The following DDC variants were observed in gnomAD, a reference collection of about 807,000 sequenced individuals.
The protein encoded by DDC is aromatic-L-amino-acid decarboxylase.
DDC carries 43 observed loss-of-function variants against 60.0 expected under a neutral mutation model. The ratio of observed to expected loss-of-function variants is 0.72; its 90% confidence interval spans 0.56 to 0.92. The LOEUF (loss-of-function observed/expected upper bound fraction) is 0.92. Ranked by LOEUF, DDC falls within the 40% of genes least tolerant of loss-of-function variation. The pLI, the probability that DDC is intolerant of heterozygous loss-of-function variation, is 0.00. For missense variants in DDC, 573 were observed against 620.2 expected, an observed-to-expected ratio of 0.92 and a Z score of 0.81; for synonymous variants, 232 against 234.6, an observed-to-expected ratio of 0.99 and a Z score of 0.10.
intron 3 of DDC, 24 bp downstream of exon 3, chr7:50,539,891 C>T (rs2044561677): frequency 6.3e-7 from 1 of 1,587,328 alleles, no homozygotes; most frequent in East Asian, 2.2e-5. Flanking sequence ...AGGACCCCTT[C>T]CCGAGGTGCA....
chr7:50,543,355 C>T, intron 2 of DDC: 1 of 192,046 alleles, frequency 5.2e-6, no homozygotes, highest in Non-Finnish European at 1.1e-5. Context: ...CCGCTGATTT[C>T]TGCCCTCTGT....
intron 6 of DDC, among the ~76,000 whole-genome samples, chr7:50,524,606 A>C (rs1020253780): frequency 5.3e-5 from 8 of 152,232 alleles, no homozygotes; most frequent in African/African-American, 1.7e-4. Flanking sequence ...GCAAATTAGG[A>C]CCATGATAAC....
chr7:50,513,878 G>T (rs553348200), intron 6 of DDC, among the ~76,000 whole-genome samples: 1 of 152,082 alleles, frequency 6.6e-6, no homozygotes, highest in East Asian at 1.9e-4. Flanking sequence ...CTGGTGGTCG[G>T]TCCCTACCCA....
At chr7:50,534,816 C>A (rs1369793959) in intron 4 of DDC, among the ~76,000 whole-genome samples, 1 of 152,216 alleles carries the variant, frequency 6.6e-6, no homozygotes, top group Non-Finnish European at 1.5e-5. Context: ...GTGCTGCTGC[C>A]CTCTGTCCCC....
chr7:50,528,314 G>T (rs769607391), intron 5 of DDC, 34 bp from the exon 6 acceptor site: 6 of 1,613,450 alleles, frequency 3.7e-6, no homozygotes, highest in Non-Finnish European at 5.1e-6. Flanking sequence ...GATTTGTACA[G>T]GTGTGTGCAT....
Position 50,507,279 on chromosome 7 carries a change from C to T in DDC, c.715-3220G>A, listed in dbSNP as rs190096270. Among the ~76,000 whole-genome samples, 18 of 151,718 alleles carry T rather than the reference C, an allele frequency of 1.2e-4. No individual in the cohort carries two copies. The East Asian group carries it at 2.3e-3, about 20-fold the overall frequency. On this transcript the variant is annotated intron_variant, in intron 6 of 14. Transcript: ENST00000444124. ...TGAGATGGAGTTTCACTCTTTTTGTCGAGGCTGGAGTGCAGTGGTGCGATC... is the reference window on the plus strand; with the variant it reads ...TGAGATGGAGTTTCACTCTTTTTGTTGAGGCTGGAGTGCAGTGGTGCGATC...
At chr7:50,493,816 TA>T (rs11315611) in intron 9 of DDC, among the ~76,000 whole-genome samples, 69,902 of 149,494 alleles carry the variant, frequency 0.47, 16,429 homozygotes, top group Middle Eastern at 0.52. Context: ...TGGTTAGCCT[TA>T]AAAAAAAAAA....
intron 6 of DDC, among the ~76,000 whole-genome samples, chr7:50,506,924 T>G (rs142720488): frequency 0.012 from 1,820 of 152,356 alleles, 34 homozygotes; most frequent in African/African-American, 0.042. Flanking sequence ...TTTGGCAAGA[T>G]AAGTCATTTA....
chr7:50,519,271 G>C (rs1266804277), intron 6 of DDC, among the ~76,000 whole-genome samples: 1 of 152,178 alleles, frequency 6.6e-6, no homozygotes, highest in Non-Finnish European at 1.5e-5. Context: ...GGTGATCCAG[G>C]AACACTTCTA....
intron 13 of DDC, among the ~76,000 whole-genome samples, chr7:50,464,356 C>T (rs1224471570): frequency 2.0e-5 from 3 of 152,080 alleles, no homozygotes; most frequent in African/African-American, 7.2e-5. Flanking sequence ...TGGCCTCTAG[C>T]TATGGGCCTG....
chr7:50,538,850 AG>A (rs2153548764), intron 3 of DDC, among the ~76,000 whole-genome samples: 1 of 152,318 alleles, frequency 6.6e-6, no homozygotes, highest in Non-Finnish European at 1.5e-5. Flanking sequence ...TCTTTAGGAG[AG>A]GGTATGCTCA....
At chr7:50,543,254 A>G in intron 2 of DDC, 1 of 159,158 alleles carries the variant, frequency 6.3e-6, no homozygotes, top group East Asian at 1.8e-4. Flanking sequence ...TGGCAGAGAA[A>G]ATCTACTGTG....
At chr7:50,514,118 T>C (rs2043662410) in intron 6 of DDC, among the ~76,000 whole-genome samples, 1 of 152,196 alleles carries the variant, frequency 6.6e-6, no homozygotes, top group African/African-American at 2.4e-5. Flanking sequence ...CTGGTATCCA[T>C]GGCTGAGAGA....
chr7:50,527,200 A>T (rs1473522155), intron 6 of DDC, among the ~76,000 whole-genome samples: 1 of 152,018 alleles, frequency 6.6e-6, no homozygotes, highest in Non-Finnish European at 1.5e-5. Context: ...TCTTTTTAAG[A>T]TTTACTTTAC....
chr7:50,523,726 A>G (rs10267323), intron 6 of DDC, among the ~76,000 whole-genome samples: 33,459 of 152,192 alleles, frequency 0.22, 3,828 homozygotes, highest in East Asian at 0.4. Context: ...TGGGAATGCA[A>G]AATGGTACAG....
chr7:50,529,660 T>TGCTCC (rs927562710), intron 4 of DDC, among the ~76,000 whole-genome samples: 36 of 152,272 alleles, frequency 2.4e-4, no homozygotes, highest in African/African-American at 7.2e-4. Context: ...CTAGGACGAC[T>TGCTCC]GCTCCTGTCT....
intron 1 of DDC, among the ~76,000 whole-genome samples, chr7:50,550,910 T>C (rs970149551): frequency 2.0e-4 from 30 of 152,340 alleles, no homozygotes; most frequent in Non-Finnish European, 4.0e-4. Context: ...GAACTTTGTG[T>C]AACAACTAAA....
chr7:50,505,641 T>C (rs918863138), intron 6 of DDC, among the ~76,000 whole-genome samples: 3 of 152,196 alleles, frequency 2.0e-5, no homozygotes, highest in Admixed American at 6.5e-5. Flanking sequence ...CTGCAGAAGG[T>C]TCGTCTCACC....
intron 13 of DDC, among the ~76,000 whole-genome samples, chr7:50,464,848 G>T (rs372127387): frequency 6.6e-6 from 1 of 152,236 alleles, no homozygotes; most frequent in African/African-American, 2.4e-5. Flanking sequence ...CTGAAATTCA[G>T]ATTAGAGAGG....
Sources: allele counts gnomAD v4.1 joint callset (sites outside exome capture counted in the v4.1 genomes callset), GRCh38; gene constraint gnomAD v4.1.1; transcripts MANE v1.5; gene names NCBI Gene and HGNC (gene_info 2026-07-23, HGNC 2026-07-21).